Variants in USP26 observed in about 807,000 individuals in gnomAD.
USP26 encodes the protein ubiquitin carboxyl-terminal hydrolase 26.
For synonymous variants in USP26, 236 were observed against 240.6 expected (o/e 0.98, Z 0.18); for missense variants, 649 against 642.3 (o/e 1.01, Z -0.11).
intron 5 of USP26, among the ~76,000 whole-genome samples, chrX:133,057,129 T>A (rs1217367345): frequency 8.9e-6 from 1 of 111,841 alleles, no homozygotes; most frequent in Non-Finnish European, 1.9e-5. Context: ...GTGCAGAATG[T>A]GCAGCTTTGT....
intron 1 of USP26, among the ~76,000 whole-genome samples, chrX:133,092,734 G>A (rs1010533611): frequency 9.0e-6 from 1 of 111,543 alleles, no homozygotes; most frequent in Non-Finnish European, 1.9e-5. Flanking sequence ...CTAGGGCTCT[G>A]CTCAAAAAGT....
intron 5 of USP26, among the ~76,000 whole-genome samples, chrX:133,063,970 G>A (rs1000080052): frequency 1.8e-5 from 2 of 112,113 alleles, no homozygotes; most frequent in African/African-American, 6.5e-5. Flanking sequence ...TTGGTATGCT[G>A]TAATCAGAAG....
At chrX:133,084,028 C>G (rs2067579242) in intron 4 of USP26, among the ~76,000 whole-genome samples, 1 of 111,050 alleles carries the variant, frequency 9.0e-6, no homozygotes, top group African/African-American at 3.3e-5. Flanking sequence ...CACAGGTCTT[C>G]TATTTGAGAA....
At chrX:133,040,978 T>C (rs1050086602) in intron 5 of USP26, among the ~76,000 whole-genome samples, 7 of 110,105 alleles carry the variant, frequency 6.4e-5, no homozygotes, top group Non-Finnish European at 1.1e-4. Flanking sequence ...TTCTGCTTGA[T>C]TGATTCAGCT....
intron 4 of USP26, among the ~76,000 whole-genome samples, chrX:133,088,850 CT>C (rs1440645478): frequency 9.0e-6 from 1 of 111,328 alleles, no homozygotes; most frequent in Admixed American, 9.6e-5. Context: ...AGGATTCACT[CT>C]TTTTTTCATC....
intron 5 of USP26, among the ~76,000 whole-genome samples, chrX:133,058,665 A>G (rs746699163): frequency 3.6e-5 from 4 of 111,645 alleles, no homozygotes; most frequent in Non-Finnish European, 7.5e-5. Flanking sequence ...TTTAGACGAC[A>G]TATATTTGGG....
At chrX:133,091,626 G>T (rs1164886843) in intron 1 of USP26, among the ~76,000 whole-genome samples, 183 bp from the exon 2 acceptor site, 1 of 111,642 alleles carries the variant, frequency 9.0e-6, no homozygotes, top group Non-Finnish European at 1.9e-5. Context: ...AAAGGAACAG[G>T]TTGTAGAAAC....
Position 133,027,758 on chromosome X carries a change from G to A in USP26, c.463C>T (p.Leu155Phe), listed in dbSNP as rs151250230. Residue 155 changes from leucine (L) to phenylalanine (F), a missense_variant, in exon 6 of 6, where the codon CTT (leucine) becomes TTT (phenylalanine). Transcript: ENST00000511190. ...EIAKGSGTGV[L>F]QRMPLLTSKL... ...GATGTAAGCAAAGGCATCCTCTGAAGGACACCTGTCCCACTTCCTTTTGCT... is the reference window on the plus strand; with the variant it reads ...GATGTAAGCAAAGGCATCCTCTGAAAGACACCTGTCCCACTTCCTTTTGCT... 81 of 1,208,384 alleles carry A rather than the reference G, an allele frequency of 6.7e-5. No homozygotes were observed. The highest frequency in any genetic ancestry group is 8.6e-5 in the Non-Finnish European group (77 of 894,046).
intron 5 of USP26, among the ~76,000 whole-genome samples, chrX:133,058,841 C>CT (rs1835663787): frequency 9.0e-6 from 1 of 111,293 alleles, no homozygotes; most frequent in African/African-American, 3.3e-5. Flanking sequence ...TAGAGTCTCA[C>CT]TCTGTTGCCC....
intron 5 of USP26, among the ~76,000 whole-genome samples, chrX:133,058,359 A>G (rs1220856611): frequency 2.7e-5 from 3 of 111,354 alleles, no homozygotes; most frequent in Admixed American, 9.6e-5. Context: ...TGCTTGATCT[A>G]TTAATTAAAG....
chrX:133,061,303 TGA>T (rs2067493501), intron 5 of USP26, among the ~76,000 whole-genome samples: 1 of 112,648 alleles, frequency 8.9e-6, no homozygotes, highest in South Asian at 3.7e-4. Flanking sequence ...CATGGTCATT[TGA>T]GAGTCTTTCA....
intron 1 of USP26, among the ~76,000 whole-genome samples, chrX:133,094,796 T>A (rs2148539423): frequency 9.0e-6 from 1 of 111,567 alleles, no homozygotes; most frequent in African/African-American, 3.2e-5. Flanking sequence ...ATTTTTACAT[T>A]AAAAATACCA....
In USP26 at chrX:133,088,311, G is replaced by A. The variant is rs184355180; in HGVS notation, c.-142+1802C>T. Among the ~76,000 whole-genome samples the A allele has an allele frequency of 1.1e-3, 119 of 111,498 alleles. 1 individual carries two copies. The highest frequency in any genetic ancestry group is 9.3e-3 in the Admixed American group (98 of 10,482). On this transcript the variant is annotated intron_variant, in intron 4 of 5. Transcript: ENST00000511190. ...AGACCGGGGGTGGAGGGATGGTTTC[G>A]GGATAAAATTGGATCCACCTCAGGA...
At chrX:133,060,450 T>C (rs1435464672) in intron 5 of USP26, among the ~76,000 whole-genome samples, 6 of 112,083 alleles carry the variant, frequency 5.4e-5, no homozygotes, top group Non-Finnish European at 5.6e-5. Context: ...AGAAAAATCC[T>C]TCTTCTTACA....
intron 5 of USP26, among the ~76,000 whole-genome samples, chrX:133,054,622 T>G (rs996519385): frequency 8.9e-6 from 1 of 111,752 alleles, no homozygotes; most frequent in Non-Finnish European, 1.9e-5. Flanking sequence ...TCTGATGTAC[T>G]TTTTTTCTTC....
chrX:133,087,051 G>C (rs1265802174), intron 4 of USP26, among the ~76,000 whole-genome samples: 1 of 110,994 alleles, frequency 9.0e-6, no homozygotes, highest in Non-Finnish European at 1.9e-5. Flanking sequence ...TAAAGGTATA[G>C]ATAGCTCACC....
intron 5 of USP26, among the ~76,000 whole-genome samples, chrX:133,066,580 A>G (rs2148533675): frequency 9.0e-6 from 1 of 111,610 alleles, no homozygotes; most frequent in South Asian, 3.8e-4. Flanking sequence ...CACATATACA[A>G]CTATCTGATC....
intron 4 of USP26, among the ~76,000 whole-genome samples, chrX:133,088,492 C>CCTCT (rs1388303424): frequency 5.9e-4 from 66 of 111,398 alleles, no homozygotes; most frequent in African/African-American, 1.9e-3. Flanking sequence ...CGGCTGCTTA[C>CCTCT]CTCTCACTGT....
chrX:133,062,130 G>GT (rs1380203549), intron 5 of USP26, among the ~76,000 whole-genome samples: 1 of 110,686 alleles, frequency 9.0e-6, no homozygotes, highest in African/African-American at 3.3e-5. Context: ...CCCTTCAGTG[G>GT]TAAGGACTGG....
Sources: gnomAD v4.1 joint callset for allele counts (sites outside exome capture counted in the v4.1 genomes callset) on GRCh38, gnomAD v4.1.1 for gene constraint, MANE v1.5 for transcripts, NCBI Gene and HGNC (gene_info 2026-07-23, HGNC 2026-07-21) for gene names.